The following LAMA4 variants were observed in gnomAD, a reference collection of about 807,000 sequenced individuals.
LAMA4 encodes the protein laminin subunit alpha-4.
A neutral mutation model predicts 207.1 loss-of-function variants in LAMA4; 127 were observed. The observed-to-expected ratio is 0.61, with a 90% CI of 0.53 to 0.71. The LOEUF is 0.71. Ranked by LOEUF, LAMA4 falls within the 30% of genes least tolerant of loss-of-function variation. The probability of loss-of-function intolerance (pLI) is 0.00; values close to 1 mark genes in which losing one functional copy is unlikely to be tolerated. For synonymous variants in LAMA4, 761 were observed against 816.0 expected (o/e 0.93, Z 1.15); for missense variants, 2,093 against 2,246.5 (o/e 0.93, Z 1.38).
In LAMA4 at chr6:112,118,276, C is replaced by G. The variant is rs1778143352; in HGVS notation, c.4822-378G>C. 6.6e-6 allele frequency among the ~76,000 whole-genome samples: 1 copy of G among 152,156 alleles called. No individual in the cohort carries two copies. Among genetic ancestry groups the G allele is most frequent in the Non-Finnish European group, 1.5e-5 (1 of 68,018 alleles). On this transcript the variant is annotated intron_variant, in intron 34 of 38. Coordinates refer to ENST00000230538, the MANE Select transcript of LAMA4 (RefSeq NM_001105206.3). The surrounding 1 kb of genome is among the most constrained non-coding windows in gnomAD (Gnocchi z 4.6). ...AGCAAAGTTCTTTACTTAAATCTACCATAGCCAAATAAACAGCAGAAAGCT... is the reference window on the plus strand; with the variant it reads ...AGCAAAGTTCTTTACTTAAATCTACGATAGCCAAATAAACAGCAGAAAGCT...
At position 112,185,751 on chromosome 6, in the gene LAMA4, T is replaced by G. The variant is rs571729009; in HGVS notation, c.967-404A>C. ...ATGTAAATGGAGTATAGAAATTAACTTTCCTCATTTTAATGCAAGTCTCTT... is the reference window on the plus strand; with the variant it reads ...ATGTAAATGGAGTATAGAAATTAACGTTCCTCATTTTAATGCAAGTCTCTT... On this transcript the variant is annotated intron_variant, in intron 8 of 38. Transcript: ENST00000230538. Among the ~76,000 whole-genome samples the G allele has an allele frequency of 1.2e-4, 18 of 152,304 alleles. No individual in the cohort carries two copies. The South Asian group carries it at 2.1e-3, about 18-fold the overall frequency.
At chr6:112,159,437 A>T (rs1420228654) in intron 13 of LAMA4, 2 of 158,240 alleles carry the variant, frequency 1.3e-5, no homozygotes, top group Non-Finnish European at 2.8e-5. Flanking sequence ...CTTGTAACAC[A>T]GGCTCTCTTG....
chr6:112,200,228 G>A, intron 5 of LAMA4: 1 of 504,870 alleles, frequency 2.0e-6, no homozygotes, highest in South Asian at 1.5e-5. Context: ...AGAAAAGAGT[G>A]TCATGTGCTT....
At chr6:112,165,071 A>G in intron 13 of LAMA4, 89 bp downstream of exon 13, 1 of 804,372 alleles carries the variant, frequency 1.2e-6, no homozygotes, top group Non-Finnish European at 2.3e-6. Context: ...CTCACTGGTT[A>G]GATATGAATT....
At chr6:112,142,960 T>C (rs1367548704) in intron 19 of LAMA4, among the ~76,000 whole-genome samples, 1 of 152,186 alleles carries the variant, frequency 6.6e-6, no homozygotes, top group African/African-American at 2.4e-5. Context: ...TTATAATAAC[T>C]GTAATAATGA....
chr6:112,141,637 C>T (rs1779701046), intron 20 of LAMA4, 134 bp from the exon 21 acceptor site: 2 of 722,930 alleles, frequency 2.8e-6, no homozygotes, highest in African/African-American at 3.5e-5. Context: ...TTATCCGAAG[C>T]TCCTGTGAGC....
intron 10 of LAMA4, among the ~76,000 whole-genome samples, chr6:112,176,769 G>A (rs1782048528): frequency 6.6e-6 from 1 of 152,176 alleles, no homozygotes; most frequent in African/African-American, 2.4e-5. Context: ...GGGAAATACA[G>A]ACAATAGTAT....
Position 112,122,078 on chromosome 6 carries a change from G to A in LAMA4, c.4411C>T (p.Gln1471Ter). ...CGGCTGTTGGCTGTTCCTCCATATT[G>A]ATAGGCGTGCTCTATTGCTCTAGGG... is the stretch of plus-strand genomic sequence containing the variant. The part of the protein sequence containing the change: ...NSPRAIEHAY[Q>*]YGGTANSRQE... Residue 1471 changes from glutamine to a stop codon, truncating the protein, a stop_gained, in exon 32 of 39, where the codon CAA becomes TAA. Coordinates refer to ENST00000230538, the MANE Select transcript of LAMA4 (RefSeq NM_001105206.3). LOFTEE classifies it high-confidence loss of function. 1 of 1,613,954 alleles carries A rather than the reference G, an allele frequency of 6.2e-7. No homozygotes were observed. The highest frequency in any genetic ancestry group is 8.5e-7 in the Non-Finnish European group (1 of 1,179,940).
At chr6:112,139,964 ATAG>A in intron 22 of LAMA4, 79 bp from the exon 23 acceptor site, 1 of 1,436,660 alleles carries the variant, frequency 7.0e-7, no homozygotes, top group Non-Finnish European at 9.8e-7. Context: ...AATGCAACTA[ATAG>A]TAGGTCAAGG....
At chr6:112,205,899 A>G (rs1250084540) in intron 4 of LAMA4, among the ~76,000 whole-genome samples, 1 of 152,172 alleles carries the variant, frequency 6.6e-6, no homozygotes, top group Non-Finnish European at 1.5e-5. Flanking sequence ...AAACTTTGAT[A>G]AAAACTCCTG....
intron 8 of LAMA4, 141 bp downstream of exon 8, chr6:112,187,309 T>C: frequency 1.1e-6 from 1 of 952,212 alleles, no homozygotes; most frequent in Non-Finnish European, 1.7e-6. Flanking sequence ...TTACTTATGT[T>C]TTCTATGTTA....
chr6:112,142,280 T>C lies in LAMA4; in HGVS notation c.2506A>G (p.Met836Val), dbSNP rs184539670. Residue 836 changes from methionine (M) to valine (V), a missense_variant, in exon 20 of 39, where the codon ATG becomes GTG. Met to Val is a conservative substitution (Grantham distance 21). Around this residue, in one of 3 missense-constraint regions of LAMA4, gnomAD observed 1,704 missense variants for 1,788.4 expected, o/e 0.95. Transcript: ENST00000230538. ...RSVASKIQVS[M>V]MFDGQSAVEV... ...ACAGCTGACTGGCCATCAAACATCA[T>C]GGAGACTTGGATCTGGAGTGACACA... The C allele has an allele frequency of 3.1e-6, 5 of 1,614,126 alleles. No individual in the cohort carries two copies. Among genetic ancestry groups the C allele is most frequent in the Admixed American group, 1.7e-5 (1 of 60,018 alleles).
At position 112,142,106 on chromosome 6, in the gene LAMA4, C is replaced by T; in HGVS notation, c.2667+13G>A. The stretch of plus-strand genomic sequence containing the variant: ...GTAAATATTATTCCCTCCTTTCAAA[C>T]TCATGTGCTTACGTTTTTGCTTCCG... On this transcript the variant is annotated intron_variant, in intron 20 of 38. Coordinates refer to ENST00000230538, the MANE Select transcript of LAMA4 (RefSeq NM_001105206.3). 2.5e-6 allele frequency: 4 copies of T among 1,613,890 alleles called. No individual in the cohort carries two copies. Among genetic ancestry groups the T allele is most frequent in the Non-Finnish European group, 3.4e-6 (4 of 1,179,818 alleles).
intron 17 of LAMA4, among the ~76,000 whole-genome samples, chr6:112,149,154 A>G (rs1317373226): frequency 2.7e-5 from 2 of 74,542 alleles, no homozygotes; most frequent in Non-Finnish European, 5.4e-5. Flanking sequence ...TATAAATAAT[A>G]AATAATTTAT....
chr6:112,241,984 T>C (rs1485225694), intron 2 of LAMA4, among the ~76,000 whole-genome samples: 1 of 152,214 alleles, frequency 6.6e-6, no homozygotes, highest in Admixed American at 6.5e-5. Flanking sequence ...GACTCCCTTG[T>C]TACCAAGAAA....
chr6:112,127,947 T>C (rs1189149155), intron 31 of LAMA4, among the ~76,000 whole-genome samples: 4 of 152,154 alleles, frequency 2.6e-5, no homozygotes, highest in Non-Finnish European at 5.9e-5. Flanking sequence ...AGTAGTCAGG[T>C]TGGAATTTTA....
At chr6:112,190,909 TTC>T (rs1491101881) in intron 6 of LAMA4, among the ~76,000 whole-genome samples, 10 of 93,964 alleles carry the variant, frequency 1.1e-4, no homozygotes, top group South Asian at 1.0e-3. Flanking sequence ...CTTTCTTTCT[TTC>T]TTTCTTTCTT....
intron 9 of LAMA4, among the ~76,000 whole-genome samples, chr6:112,180,319 T>G (rs1782281602): frequency 2.0e-5 from 3 of 152,228 alleles, no homozygotes; most frequent in Non-Finnish European, 4.4e-5. Flanking sequence ...TAGATAGAGA[T>G]ATATAGCTAT....
chr6:112,214,445 G>A (rs2115052229), intron 3 of LAMA4, among the ~76,000 whole-genome samples: 1 of 151,952 alleles, frequency 6.6e-6, no homozygotes, highest in East Asian at 1.9e-4. Flanking sequence ...GTCGCTCTGG[G>A]GGATAGGAAT....
Sources: gnomAD v4.1 joint callset for allele counts (sites outside exome capture counted in the v4.1 genomes callset) on GRCh38, gnomAD v4.1.1 for gene constraint, gnomAD v4.1.1 regional missense constraint, Gnocchi (gnomAD v3.1) non-coding constraint, MANE v1.5 for transcripts, NCBI Gene and HGNC (gene_info 2026-07-23, HGNC 2026-07-21) for gene names.